Variants in ZFPM2 observed in about 807,000 individuals in gnomAD.
ZFPM2 encodes zinc finger protein ZFPM2.
Under a neutral mutation model 98.6 loss-of-function variants are expected in ZFPM2, and 20 were observed. The ratio of observed to expected loss-of-function variants is 0.20; its 90% CI spans 0.14 to 0.29. The LOEUF (loss-of-function observed/expected upper bound fraction) is 0.29, where lower values mean the gene tolerates loss of function less well. Ranked by LOEUF, ZFPM2 falls within the 10% of genes least tolerant of loss-of-function variation. ZFPM2 has a pLI of 1.00. For synonymous variants in ZFPM2, 518 were observed against 502.7 expected (o/e 1.03, Z -0.41); for missense variants, 1,310 against 1,388.6 (o/e 0.94, Z 0.90).
intron 5 of ZFPM2, among the ~76,000 whole-genome samples, chr8:105,669,567 A>AGTCT: frequency 7.2e-6 from 1 of 139,002 alleles, no homozygotes; most frequent in African/African-American, 2.7e-5. Context: ...TGTGTGTGTA[A>AGTCT]ATAAAGATTA....
chr8:105,534,078 CCCATCTT>C (rs1360846721), intron 3 of ZFPM2, among the ~76,000 whole-genome samples: 2 of 29,944 alleles, frequency 6.7e-5, no homozygotes, highest in African/African-American at 2.1e-4. Context: ...CTTCCTCCCT[CCCATCTT>C]CCTCCCTCCC....
At chr8:105,565,784 ACAC>A (rs1815231128) in intron 4 of ZFPM2, among the ~76,000 whole-genome samples, 1 of 152,224 alleles carries the variant, frequency 6.6e-6, no homozygotes, top group Non-Finnish European at 1.5e-5. Context: ...TAAACAAGTA[ACAC>A]TATAAACCTT....
chr8:105,596,726 C>T (rs190871593), intron 4 of ZFPM2, among the ~76,000 whole-genome samples: 63 of 135,776 alleles, frequency 4.6e-4, no homozygotes, highest in African/African-American at 1.6e-3. Flanking sequence ...CTGGGTAAGG[C>T]TGCCTTTGTC....
chr8:105,410,869 A>G (rs1811562810), intron 1 of ZFPM2, among the ~76,000 whole-genome samples: 1 of 151,802 alleles, frequency 6.6e-6, no homozygotes, highest in South Asian at 2.1e-4. Flanking sequence ...CTAACGTCCT[A>G]CATTCATGCT....
intron 5 of ZFPM2, among the ~76,000 whole-genome samples, chr8:105,764,445 G>GAA (rs1199913691): frequency 6.6e-6 from 1 of 151,530 alleles, no homozygotes; most frequent in Non-Finnish European, 1.5e-5. Flanking sequence ...AATGTTAATA[G>GAA]ATATTTTCTA....
intron 1 of ZFPM2, among the ~76,000 whole-genome samples, chr8:105,320,731 A>AT (rs1812009820): frequency 6.6e-6 from 1 of 152,074 alleles, no homozygotes; most frequent in Non-Finnish European, 1.5e-5. Flanking sequence ...AGCTACATTA[A>AT]TTTTTTTATT....
intron 5 of ZFPM2, chr8:105,662,723 C>T (rs75779598): frequency 0.077 from 11,646 of 151,154 alleles, 616 homozygotes; most frequent in Middle Eastern, 0.17. Context: ...AGGAGAGCAA[C>T]TAGATAAAGG....
At chr8:105,382,196 A>G (rs1029716605) in intron 1 of ZFPM2, among the ~76,000 whole-genome samples, 2 of 152,158 alleles carry the variant, frequency 1.3e-5, no homozygotes, top group Admixed American at 6.6e-5. Flanking sequence ...TTATACTTCT[A>G]TTATTTCTAT....
chr8:105,723,591 C>T (rs1341965480), intron 5 of ZFPM2, among the ~76,000 whole-genome samples: 2 of 151,782 alleles, frequency 1.3e-5, no homozygotes, highest in East Asian at 3.9e-4. Context: ...ACAAAGCATT[C>T]GTGAAACCAA....
intron 1 of ZFPM2, among the ~76,000 whole-genome samples, chr8:105,393,390 C>CCT (rs1811157655): frequency 7.4e-6 from 1 of 134,510 alleles, no homozygotes; most frequent in African/African-American, 2.7e-5. Context: ...TTCTTTCTTT[C>CCT]TTCTTCAGAA....
Position 105,472,573 on chromosome 8 carries a change from G to A in ZFPM2, c.301+28192G>A, listed in dbSNP as rs542027478. Among the ~76,000 whole-genome samples, 10 of 152,186 alleles carry A rather than the reference G, an allele frequency of 6.6e-5. No homozygotes were observed. In the South Asian group the frequency reaches 2.1e-3, roughly 32 times the overall value. On this transcript the variant is annotated intron_variant, in intron 3 of 7. Coordinates refer to ENST00000407775, the MANE Select transcript of ZFPM2 (RefSeq NM_012082.4). ...GCTGGAGTGCAGTGGCGTGAACTCG[G>A]CTCACTGCAAGCTCTGCCTCCCGGG...
intron 5 of ZFPM2, among the ~76,000 whole-genome samples, chr8:105,777,593 C>A (rs1265365295): frequency 6.6e-6 from 1 of 152,072 alleles, no homozygotes; most frequent in African/African-American, 2.4e-5. Flanking sequence ...CCCTGCATTG[C>A]CTATATAGTA....
At chr8:105,497,594 C>G (rs1813501023) in intron 3 of ZFPM2, among the ~76,000 whole-genome samples, 1 of 152,080 alleles carries the variant, frequency 6.6e-6, no homozygotes, top group Non-Finnish European at 1.5e-5. Flanking sequence ...AAGCTGGACC[C>G]TTTATCTGTT....
intron 1 of ZFPM2, among the ~76,000 whole-genome samples, chr8:105,414,576 C>T (rs1287155922): frequency 6.6e-6 from 1 of 151,202 alleles, no homozygotes; most frequent in Non-Finnish European, 1.5e-5. Context: ...CCTTATTCCT[C>T]AGAATGCCTA....
chr8:105,613,909 G>T (rs1184289134), intron 4 of ZFPM2, among the ~76,000 whole-genome samples: 1 of 152,116 alleles, frequency 6.6e-6, no homozygotes, highest in Non-Finnish European at 1.5e-5. Context: ...TTCAAGATAT[G>T]AAGAGATATT....
At chr8:105,769,277 C>CTTAG (rs1328273776) in intron 5 of ZFPM2, among the ~76,000 whole-genome samples, 1 of 151,996 alleles carries the variant, frequency 6.6e-6, no homozygotes, top group Non-Finnish European at 1.5e-5. Context: ...CTGAGCTAGA[C>CTTAG]TTAGCTACTC....
chr8:105,622,113 AC>A (rs1188025497), intron 4 of ZFPM2, among the ~76,000 whole-genome samples: 1 of 152,030 alleles, frequency 6.6e-6, no homozygotes, highest in Admixed American at 6.6e-5. Context: ...TAGAAAAAAA[AC>A]AAAAAGAATT....
At chr8:105,449,520 A>AAAATTAG (rs1432061673) in intron 3 of ZFPM2, among the ~76,000 whole-genome samples, 1 of 152,104 alleles carries the variant, frequency 6.6e-6, no homozygotes, top group Non-Finnish European at 1.5e-5. Flanking sequence ...TTAATAGAAT[A>AAAATTAG]AAATTAGTAA....
At chr8:105,494,263 A>G (rs1813417716) in intron 3 of ZFPM2, among the ~76,000 whole-genome samples, 1 of 140,732 alleles carries the variant, frequency 7.1e-6, no homozygotes, top group Non-Finnish European at 1.5e-5. Context: ...TGAATTTTGC[A>G]GCTTTCCTTC....
Sources: gnomAD v4.1 joint callset for allele counts (sites outside exome capture counted in the v4.1 genomes callset) on GRCh38, gnomAD v4.1.1 for gene constraint, MANE v1.5 for transcripts, NCBI Gene and HGNC (gene_info 2026-07-23, HGNC 2026-07-21) for gene names.